The following WDR86 variants were observed in gnomAD, a reference collection of about 807,000 sequenced individuals.
The protein encoded by WDR86 is WD repeat domain 86.
WDR86 carries 30 observed loss-of-function variants against 36.5 expected under a neutral mutation model. The ratio of observed to expected loss-of-function variants is 0.82; its 90% CI spans 0.61 to 1.11. The LOEUF (loss-of-function observed/expected upper bound fraction) is 1.11. Among genes scored for constraint, WDR86 ranks in the 50% most tolerant of loss-of-function variants. The pLI is 0.00. For missense variants in WDR86, 545 were observed against 561.2 expected (o/e 0.97, Z 0.29); for synonymous variants, 255 against 252.9 (o/e 1.01, Z -0.08).
chr7:151,378,269 G>A (rs1179948560), downstream of WDR86: 1 of 152,288 alleles, frequency 6.6e-6, no homozygotes, highest in African/African-American at 2.4e-5. Context: ...GTGCATCCAA[G>A]ACTTTCCCTC....
rs1393226436 is a variant in WDR86, at chr7:151,403,121, G to A, written c.164-2880C>T. Among the ~76,000 whole-genome samples, 4 of 152,332 alleles carry A rather than the reference G, an allele frequency of 2.6e-5. No homozygotes were observed. In the South Asian group the frequency reaches 8.3e-4, roughly 32 times the overall value. ...GCGATGGCTACACATCGCTTCACTTGTGTGGATTCAGTGTAGGACTTGGTG... is the reference window on the plus strand; with the variant it reads ...GCGATGGCTACACATCGCTTCACTTATGTGGATTCAGTGTAGGACTTGGTG... On this transcript the variant is annotated intron_variant, in intron 1 of 5. Transcript: ENST00000334493.
chr7:151,374,336 A>C, downstream of WDR86: 138 of 1,434,996 alleles, frequency 9.6e-5, no homozygotes, highest in Middle Eastern at 1.7e-4. Flanking sequence ...TCCCGGGCTC[A>C]CTCCTATGGG....
At chr7:151,386,073 C>T (rs1238936995) in intron 3 of WDR86, among the ~76,000 whole-genome samples, 2 of 152,102 alleles carry the variant, frequency 1.3e-5, no homozygotes, top group Non-Finnish European at 2.9e-5. Context: ...AGAGAGGCCT[C>T]CTGCCACTAC....
At position 151,406,446 on chromosome 7, in the gene WDR86, A is replaced by G. The variant is rs575359975; in HGVS notation, c.163+2981T>C. ...CCCAGCCACTCTGCTCGAGAAATCC[A>G]GGACCGGCCAACCACAGGCTCTTGT... On this transcript the variant is annotated intron_variant, in intron 1 of 5. Transcript: ENST00000334493. The surrounding 1 kb of genome is among the most constrained non-coding windows in gnomAD (Gnocchi z 4.4). 1.3e-4 allele frequency among the ~76,000 whole-genome samples: 20 copies of G among 152,326 alleles called. 2 individuals are homozygous for G. In the South Asian group the frequency reaches 4.1e-3, roughly 32 times the overall value.
chr7:151,408,980 C>T (rs12533730), intron 1 of WDR86: 134,756 of 474,724 alleles, frequency 0.28, 20,792 homozygotes, highest in East Asian at 0.52. Flanking sequence ...CAAGCGTCTA[C>T]TGTTGCTGTG....
chr7:151,399,130 C>G (rs181713362), intron 2 of WDR86, among the ~76,000 whole-genome samples: 1 of 152,196 alleles, frequency 6.6e-6, no homozygotes, highest in Admixed American at 6.5e-5. Context: ...ATATACCCCC[C>G]ATTCACTCTA....
chr7:151,375,243 A>G (rs755371750), downstream of WDR86, among the ~76,000 whole-genome samples: 3 of 152,226 alleles, frequency 2.0e-5, no homozygotes, highest in Non-Finnish European at 4.4e-5. Flanking sequence ...TTATTTGAAT[A>G]TCATCTAGTT....
downstream of WDR86, among the ~76,000 whole-genome samples, chr7:151,379,601 T>C (rs139706308): frequency 2.6e-5 from 4 of 152,316 alleles, no homozygotes; most frequent in African/African-American, 7.2e-5. Context: ...AAAATGGACA[T>C]CTGGCCATCT....
chr7:151,392,180 CG>C (rs1799486471), intron 3 of WDR86, among the ~76,000 whole-genome samples: 2 of 152,150 alleles, frequency 1.3e-5, no homozygotes, highest in African/African-American at 2.4e-5. Flanking sequence ...CAGCTCTGAT[CG>C]GGGCCCCCAG....
At chr7:151,408,966 T>G in intron 1 of WDR86, 1 of 473,880 alleles carries the variant, frequency 2.1e-6, no homozygotes, top group Non-Finnish European at 4.4e-6. Context: ...CCGCTGGCCC[T>G]TAACAAGCGT....
downstream of WDR86, chr7:151,377,260 T>C: frequency 7.2e-7 from 1 of 1,380,230 alleles, no homozygotes; most frequent in Non-Finnish European, 9.8e-7. Flanking sequence ...TTTCTGCTTA[T>C]AAATGCTATC....
chr7:151,373,412 G>A (rs1798048283), downstream of WDR86, among the ~76,000 whole-genome samples: 1 of 152,210 alleles, frequency 6.6e-6, no homozygotes, highest in Admixed American at 6.5e-5. Context: ...GGCCCTGGGT[G>A]GGAGAGGTGA....
At position 151,406,339 on chromosome 7, in the gene WDR86, A is replaced by G. The variant is rs1443872199; in HGVS notation, c.163+3088T>C. The stretch of plus-strand genomic sequence containing the variant: ...CTAAGCTCTGCGAGACACCCAGGAA[A>G]GCCTGCGGTCCCTGATTGCCCCTGC... On this transcript the variant is annotated intron_variant, in intron 1 of 5. Coordinates refer to ENST00000334493, the MANE Select transcript of WDR86 (RefSeq NM_198285.3). The surrounding 1 kb of genome is among the most constrained non-coding windows in gnomAD (Gnocchi z 4.4). Among the ~76,000 whole-genome samples the G allele has an allele frequency of 1.3e-5, 2 of 152,142 alleles. No individual in the cohort carries two copies.
chr7:151,400,064 T>C (rs1263176146), intron 2 of WDR86, 36 bp downstream of exon 2: 3 of 1,511,552 alleles, frequency 2.0e-6, no homozygotes, highest in Middle Eastern at 2.4e-4. Context: ...AGCCTATGTA[T>C]GGTGAGACTC....
intron 4 of WDR86, among the ~76,000 whole-genome samples, chr7:151,382,373 C>A (rs982423490): frequency 1.1e-4 from 16 of 152,286 alleles, no homozygotes; most frequent in African/African-American, 3.6e-4. Flanking sequence ...ATTAACGGAT[C>A]GGCACTCAAA....
rs1025208376 is a variant in WDR86, at chr7:151,409,407, G to A, written c.163+20C>T. The A allele has an allele frequency of 6.4e-7, 1 of 1,554,926 alleles. No individual in the cohort carries two copies. The highest frequency in any genetic ancestry group is 8.7e-7 in the Non-Finnish European group (1 of 1,152,790). On this transcript the variant is annotated intron_variant, in intron 1 of 5. Transcript: ENST00000334493. This position sits in a 1 kb window ranked among gnomAD's most constrained non-coding sequence, Gnocchi z 5.2. ...GGTGAGCTGCGGCGAAGAGGTCAGG[G>A]AGGGAGTGGGAGGGTCTACCTTGCA... is the stretch of plus-strand genomic sequence containing the variant.
At chr7:151,380,476 A>G (rs1170321942), downstream of WDR86, among the ~76,000 whole-genome samples, 1 of 152,148 alleles carries the variant, frequency 6.6e-6, no homozygotes, top group Non-Finnish European at 1.5e-5. Context: ...CTGCAGCGAG[A>G]TGATGAGCTC....
At position 151,381,447 on chromosome 7, in the gene WDR86, G is replaced by A. The variant is rs1328083897; in HGVS notation, c.*135C>T. The stretch of plus-strand genomic sequence containing the variant: ...CAAAGAAAAACCAGACGCCTGCGAC[G>A]GGCTCTCCTCCCGCCCGGGCTTCCT... On this transcript the variant is annotated 3_prime_UTR_variant, in exon 6 of 6. Transcript: ENST00000334493. The surrounding 1 kb of genome is among the most constrained non-coding windows in gnomAD (Gnocchi z 4.8). The A allele has an allele frequency of 6.0e-6, 9 of 1,491,894 alleles. No individual in the cohort carries two copies. The highest frequency in any genetic ancestry group is 8.0e-6 in the Non-Finnish European group (9 of 1,128,644). The allele number at this position is 1,491,894 out of a possible 1,614,324, so 92.4% of individuals were successfully genotyped here. A position where few individuals can be genotyped will look rare whatever the true frequency, so the allele number is the denominator to read the frequency against.
chr7:151,389,013 G>T (rs980854900), intron 3 of WDR86, among the ~76,000 whole-genome samples: 22 of 152,048 alleles, frequency 1.4e-4, no homozygotes, highest in African/African-American at 5.1e-4. Flanking sequence ...ACGTGCTGGC[G>T]CCTAGACCTT....
Sources: gnomAD v4.1 joint callset for allele counts (sites outside exome capture counted in the v4.1 genomes callset) on GRCh38, gnomAD v4.1.1 for gene constraint, Gnocchi (gnomAD v3.1) non-coding constraint, MANE v1.5 for transcripts, NCBI Gene and HGNC (gene_info 2026-07-23, HGNC 2026-07-21) for gene names.